The following HS6ST3 variants were observed in gnomAD, a reference collection of about 807,000 sequenced individuals.
HS6ST3 encodes the protein heparan-sulfate 6-O-sulfotransferase 3.
HS6ST3 carries 12 observed loss-of-function variants against 36.7 expected under a neutral mutation model. That is an observed-to-expected ratio of 0.33 (90% confidence interval 0.21 to 0.53). HS6ST3 has a LOEUF of 0.53. Ranked by LOEUF, HS6ST3 falls within the 20% of genes least tolerant of loss-of-function variation. The probability of loss-of-function intolerance (pLI) is 0.95; values close to 1 mark genes in which losing one functional copy is unlikely to be tolerated. For synonymous variants in HS6ST3, 240 were observed against 257.5 expected, an observed-to-expected ratio of 0.93 and a Z score of 0.65; for missense variants, 584 against 640.9, an observed-to-expected ratio of 0.91 and a Z score of 0.96.
intron 1 of HS6ST3, among the ~76,000 whole-genome samples, chr13:96,516,138 T>C (rs1302403197): frequency 6.6e-6 from 1 of 151,706 alleles, no homozygotes; most frequent in Non-Finnish European, 1.5e-5. Context: ...GTCGGCTCAA[T>C]GCAACCTCTG....
At chr13:96,183,191 C>CT (rs900235820) in intron 1 of HS6ST3, among the ~76,000 whole-genome samples, 23 of 151,672 alleles carry the variant, frequency 1.5e-4, no homozygotes, top group African/African-American at 4.1e-4. Flanking sequence ...TATGTTAAAG[C>CT]TTTTTTTTGG....
At chr13:96,780,286 C>A (rs1877494129) in intron 1 of HS6ST3, among the ~76,000 whole-genome samples, 1 of 152,118 alleles carries the variant, frequency 6.6e-6, no homozygotes, top group Non-Finnish European at 1.5e-5. Context: ...TTTGCGTCAG[C>A]TTAGGTTAGT....
At chr13:96,601,842 T>A (rs2056422777) in intron 1 of HS6ST3, among the ~76,000 whole-genome samples, 1 of 152,170 alleles carries the variant, frequency 6.6e-6, no homozygotes, top group Non-Finnish European at 1.5e-5. Flanking sequence ...TCACCTAGCT[T>A]TGGATCTGGG....
chr13:96,333,924 G>T (rs2055086134), intron 1 of HS6ST3, among the ~76,000 whole-genome samples: 1 of 152,078 alleles, frequency 6.6e-6, no homozygotes, highest in African/African-American at 2.4e-5. Flanking sequence ...GGTGGAATTA[G>T]GGAAGTTTTG....
rs551447197 is a variant in HS6ST3, at chr13:96,575,465, T to C, written c.708-257025T>C. ...TAGGAGAGTGAGCATGCAGGGTCTC[T>C]GAGCTGGTTTTCTTTTCAGGCAGAC... On this transcript the variant is annotated intron_variant, in intron 1 of 1. Transcript: ENST00000376705. 1.6e-4 allele frequency among the ~76,000 whole-genome samples: 24 copies of C among 152,344 alleles called. No homozygotes were observed. The South Asian group carries it at 4.4e-3, about 28-fold the overall frequency.
At chr13:96,781,379 T>C (rs950330034) in intron 1 of HS6ST3, among the ~76,000 whole-genome samples, 2 of 152,198 alleles carry the variant, frequency 1.3e-5, no homozygotes, top group Non-Finnish European at 1.5e-5. Context: ...CCAGATGCCC[T>C]TGTGAAGTGA....
chr13:96,800,897 T>C (rs1878049823), intron 1 of HS6ST3, among the ~76,000 whole-genome samples: 1 of 152,130 alleles, frequency 6.6e-6, no homozygotes, highest in African/African-American at 2.4e-5. Context: ...ACACCTTTGG[T>C]GGCCCTCTAG....
chr13:96,099,212 G>C (rs2053806143), intron 1 of HS6ST3, among the ~76,000 whole-genome samples: 1 of 152,170 alleles, frequency 6.6e-6, no homozygotes. Flanking sequence ...AAAGTGCTGA[G>C]ATTACAGGTG....
chr13:96,737,628 T>A (rs1480710081), intron 1 of HS6ST3, among the ~76,000 whole-genome samples: 1 of 61,546 alleles, frequency 1.6e-5, no homozygotes, highest in Non-Finnish European at 2.7e-5. Context: ...CGAGACTCCG[T>A]CTCAAAAAAA....
At chr13:96,814,644 A>G (rs2138537543) in intron 1 of HS6ST3, among the ~76,000 whole-genome samples, 1 of 151,826 alleles carries the variant, frequency 6.6e-6, no homozygotes, top group African/African-American at 2.4e-5. Flanking sequence ...TTCAAGATGG[A>G]TATTGGACAT....
intron 1 of HS6ST3, among the ~76,000 whole-genome samples, chr13:96,110,195 A>G (rs1594679374): frequency 6.6e-6 from 1 of 152,070 alleles, no homozygotes; most frequent in East Asian, 1.9e-4. Context: ...CAATTATGGA[A>G]GAAGGCAAAG....
intron 1 of HS6ST3, among the ~76,000 whole-genome samples, chr13:96,101,761 CT>C (rs1197175243): frequency 2.6e-5 from 4 of 152,122 alleles, no homozygotes; most frequent in African/African-American, 9.7e-5. Context: ...TTTTGAGTTG[CT>C]GGAAACAATG....
intron 1 of HS6ST3, among the ~76,000 whole-genome samples, chr13:96,386,141 C>G (rs753120817): frequency 2.0e-5 from 3 of 152,152 alleles, no homozygotes; most frequent in Non-Finnish European, 4.4e-5. Flanking sequence ...TGTAAATTTG[C>G]TTTATAGTGA....
chr13:96,158,647 C>T lies in HS6ST3; in HGVS notation c.707+67078C>T, dbSNP rs371364374. Among the ~76,000 whole-genome samples, 356 of 83,440 alleles carry T rather than the reference C, an allele frequency of 4.3e-3. 2 individuals are homozygous for T. Among genetic ancestry groups the T allele is most frequent in the African/African-American group, 0.017 (344 of 20,548 alleles). 54.7% of individuals were successfully genotyped at this position (83,440 alleles called of 152,430 possible). ...CAGCCTGGGAGACAGAGCGAGACTC[C>T]GTCTCAAAAAAAAAAAAAAAAAAAA... On this transcript the variant is annotated intron_variant, in intron 1 of 1. Coordinates refer to ENST00000376705, the MANE Select transcript of HS6ST3 (RefSeq NM_153456.4).
chr13:96,775,093 G>A (rs1194604275), intron 1 of HS6ST3, among the ~76,000 whole-genome samples: 1 of 151,980 alleles, frequency 6.6e-6, no homozygotes, highest in Non-Finnish European at 1.5e-5. Context: ...AGCTTCATAA[G>A]CGAAGGAGAA....
At chr13:96,349,657 T>C (rs2055172586) in intron 1 of HS6ST3, among the ~76,000 whole-genome samples, 1 of 152,214 alleles carries the variant, frequency 6.6e-6, no homozygotes, top group Non-Finnish European at 1.5e-5. Flanking sequence ...TTCAAACTTG[T>C]ATTTTTGGAC....
intron 1 of HS6ST3, among the ~76,000 whole-genome samples, chr13:96,114,378 G>C (rs539617473): frequency 3.3e-5 from 5 of 152,168 alleles, no homozygotes; most frequent in African/African-American, 9.6e-5. Context: ...TCAAACTCCT[G>C]GCCTCAAGTA....
chr13:96,518,765 C>A (rs2056082438), intron 1 of HS6ST3, among the ~76,000 whole-genome samples: 1 of 152,100 alleles, frequency 6.6e-6, no homozygotes, highest in Non-Finnish European at 1.5e-5. Context: ...TTCCTGTGAT[C>A]AGATGAAAAG....
In HS6ST3 at chr13:96,749,769, A is replaced by G. The variant is rs867504946; in HGVS notation, c.708-82721A>G. On this transcript the variant is annotated intron_variant, in intron 1 of 1. Transcript: ENST00000376705. ...TTTAAATCTTTTTGAGTCAATTTGTATAATTTGTAGTGTCATTGAAAATTG... is the reference window on the plus strand; with the variant it reads ...TTTAAATCTTTTTGAGTCAATTTGTGTAATTTGTAGTGTCATTGAAAATTG... 3.9e-5 allele frequency among the ~76,000 whole-genome samples: 6 copies of G among 152,284 alleles called. No individual in the cohort carries two copies. The South Asian group carries it at 1.0e-3, about 26-fold the overall frequency.
Sources: gnomAD v4.1 joint callset for allele counts (sites outside exome capture counted in the v4.1 genomes callset) on GRCh38, gnomAD v4.1.1 for gene constraint, MANE v1.5 for transcripts, NCBI Gene and HGNC (gene_info 2026-07-23, HGNC 2026-07-21) for gene names.